Variants in CSMD1 observed in about 807,000 individuals in gnomAD.
CSMD1 encodes CUB and sushi domain-containing protein 1.
CSMD1 carries 213 observed loss-of-function variants against 417.5 expected under a neutral mutation model. The observed-to-expected ratio is 0.51, with a 90% CI of 0.46 to 0.57. The LOEUF (loss-of-function observed/expected upper bound fraction) is 0.57. Ranked by LOEUF, CSMD1 falls within the 20% of genes least tolerant of loss-of-function variation. CSMD1 has a pLI of 0.00. For missense variants in CSMD1, 6,923 were observed against 4,529.7 expected (o/e 1.53, Z -15.17); for synonymous variants, 2,862 against 1,736.8 (o/e 1.65, Z -16.11).
At chr8:3,051,697 T>C (rs1345777243) in intron 50 of CSMD1, among the ~76,000 whole-genome samples, 1 of 152,216 alleles carries the variant, frequency 6.6e-6, no homozygotes, top group Non-Finnish European at 1.5e-5. Flanking sequence ...AAATTCATTG[T>C]CTATACAGAA....
chr8:3,087,913 G>C (rs1019831500), intron 48 of CSMD1, among the ~76,000 whole-genome samples: 2 of 152,192 alleles, frequency 1.3e-5, no homozygotes, highest in African/African-American at 2.4e-5. Flanking sequence ...TTTAAGTGTT[G>C]TTAAAACAGA....
chr8:4,728,295 T>C (rs1323404840), intron 1 of CSMD1, among the ~76,000 whole-genome samples: 1 of 151,332 alleles, frequency 6.6e-6, no homozygotes, highest in Non-Finnish European at 1.5e-5. Context: ...AATTTTAATA[T>C]TAGGTGTTTA....
chr8:3,893,874 G>T (rs2039175779), intron 5 of CSMD1, among the ~76,000 whole-genome samples: 1 of 152,008 alleles, frequency 6.6e-6, no homozygotes. Context: ...CACACCCCTG[G>T]TTGGAGATTT....
At chr8:3,869,795 G>A (rs897513613) in intron 5 of CSMD1, among the ~76,000 whole-genome samples, 3 of 152,018 alleles carry the variant, frequency 2.0e-5, no homozygotes, top group African/African-American at 4.8e-5. Context: ...AGGCAAGATG[G>A]GAGCTTGCCA....
chr8:4,036,417 T>A (rs1247002633), intron 3 of CSMD1, among the ~76,000 whole-genome samples: 2 of 152,194 alleles, frequency 1.3e-5, no homozygotes, highest in African/African-American at 4.8e-5. Context: ...ACTTACATAT[T>A]TCTGAAGGAA....
At chr8:4,097,901 T>C (rs1371247557) in intron 3 of CSMD1, among the ~76,000 whole-genome samples, 2 of 152,142 alleles carry the variant, frequency 1.3e-5, no homozygotes, top group Non-Finnish European at 2.9e-5. Context: ...CAGCTGAACA[T>C]TTGGAAGAAA....
intron 1 of CSMD1, among the ~76,000 whole-genome samples, chr8:4,657,507 G>A (rs780980102): frequency 6.6e-6 from 1 of 151,978 alleles, no homozygotes; most frequent in Non-Finnish European, 1.5e-5. Context: ...AAGGGACAAA[G>A]GCTTCAAAGA....
chr8:4,845,589 A>C (rs986406913), intron 1 of CSMD1, among the ~76,000 whole-genome samples: 1 of 152,192 alleles, frequency 6.6e-6, no homozygotes, highest in Non-Finnish European at 1.5e-5. Context: ...ACCAATATTT[A>C]TTGGGTTCCT....
At chr8:4,173,509 T>C (rs937756975) in intron 3 of CSMD1, among the ~76,000 whole-genome samples, 1 of 152,018 alleles carries the variant, frequency 6.6e-6, no homozygotes, top group East Asian at 1.9e-4. Flanking sequence ...TCTCGGTAGA[T>C]GGGGATAAAC....
chr8:4,260,986 C>G (rs574212411), intron 3 of CSMD1, among the ~76,000 whole-genome samples: 1 of 152,238 alleles, frequency 6.6e-6, no homozygotes, highest in East Asian at 1.9e-4. Flanking sequence ...CTTTTGTAAA[C>G]AACGTATCAT....
At chr8:3,266,784 CAA>C (rs10595372) in intron 26 of CSMD1, among the ~76,000 whole-genome samples, 35,550 of 131,404 alleles carry the variant, frequency 0.27, 4,382 homozygotes, top group East Asian at 0.35. Flanking sequence ...TAAAAAAAAT[CAA>C]AAAAAAAAAA....
rs573450906 is a variant in CSMD1 at position 4,510,094 on chromosome 8, C to A, written c.303-90029G>T. 1.6e-4 allele frequency among the ~76,000 whole-genome samples: 24 copies of A among 152,110 alleles called. No homozygotes were observed. In the South Asian group the frequency reaches 5.0e-3, roughly 32 times the overall value. On this transcript the variant is annotated intron_variant, in intron 2 of 69. Coordinates refer to ENST00000635120, the MANE Select transcript of CSMD1 (RefSeq NM_033225.6). ...CCTATTAACTTGATAGTGAATAAGT[C>A]TAAAGAGATCTGATGGTTGTATAAA...
chr8:4,203,504 C>G (rs184934359), intron 3 of CSMD1, among the ~76,000 whole-genome samples: 2 of 152,098 alleles, frequency 1.3e-5, no homozygotes, highest in African/African-American at 2.4e-5. Flanking sequence ...GATGAGCAAA[C>G]GGAAGACTTT....
intron 1 of CSMD1, among the ~76,000 whole-genome samples, chr8:4,685,512 G>T (rs577808471): frequency 3.3e-5 from 5 of 152,140 alleles, no homozygotes; most frequent in African/African-American, 9.6e-5. Context: ...GGAGGCGGAG[G>T]TTGCAGTGAG....
At chr8:3,189,802 AATGGGTC>A in intron 34 of CSMD1, 103 bp downstream of exon 34, 1 of 978,518 alleles carries the variant, frequency 1.0e-6, no homozygotes, top group Non-Finnish European at 1.5e-6. Flanking sequence ...CTGCCCTTTA[AATGGGTC>A]ATGAGCCAGA....
At chr8:4,723,803 A>G (rs1182442515) in intron 1 of CSMD1, among the ~76,000 whole-genome samples, 4 of 145,610 alleles carry the variant, frequency 2.7e-5, no homozygotes, top group African/African-American at 1.1e-4. Context: ...AAAAAAAACA[A>G]AAAAAAAACA....
At chr8:4,707,009 T>C (rs907212482) in intron 1 of CSMD1, among the ~76,000 whole-genome samples, 1 of 152,158 alleles carries the variant, frequency 6.6e-6, no homozygotes, top group African/African-American at 2.4e-5. Context: ...TCTCTTGAAG[T>C]TTGGACAATG....
intron 33 of CSMD1, among the ~76,000 whole-genome samples, chr8:3,197,899 CAAA>C (rs1186684216): frequency 6.6e-6 from 1 of 151,862 alleles, no homozygotes; most frequent in African/African-American, 2.4e-5. Context: ...CTAGTTCTTC[CAAA>C]AAAACTTAGT....
rs1584928253 is a variant in CSMD1, at chr8:3,284,219, T to A, written c.4078A>T (p.Thr1360Ser). The A allele has an allele frequency of 2.5e-6, 4 of 1,611,368 alleles. No individual in the cohort carries two copies. In the African/African-American group the frequency reaches 4.0e-5, roughly 16 times the overall value. ...GSALPEDIHS[T>S]FNSLTLQFDS... is the part of the protein sequence containing the mutation. ...AACTGCAGGGTGAGTGAGTTGAAGG[T>A]GCTGTGGATGTCCTCCGGAAGGGCG... The change falls in exon 26 of 70, where the codon ACC becomes TCC. Residue 1360 changes from threonine to serine, a missense_variant. Coordinates refer to ENST00000635120, the MANE Select transcript of CSMD1 (RefSeq NM_033225.6).
Sources: gnomAD v4.1 joint callset for allele counts (sites outside exome capture counted in the v4.1 genomes callset) on GRCh38, gnomAD v4.1.1 for gene constraint, MANE v1.5 for transcripts, NCBI Gene and HGNC (gene_info 2026-07-23, HGNC 2026-07-21) for gene names.